The following LARP1B variants were observed in gnomAD, a reference collection of about 807,000 sequenced individuals.
The protein encoded by LARP1B is la-related protein 1B.
Under a neutral mutation model 114.2 loss-of-function variants are expected in LARP1B, and 76 were observed. That is an observed-to-expected ratio of 0.67 (90% CI 0.55 to 0.81). The LOEUF is 0.81. Ranked by LOEUF, LARP1B falls within the 30% of genes least tolerant of loss-of-function variation. The pLI is 0.00. For synonymous variants in LARP1B, 345 were observed against 348.0 expected (o/e 0.99, Z 0.10); for missense variants, 1,014 against 1,075.8 (o/e 0.94, Z 0.80).
At position 128,091,354 on chromosome 4, in the gene LARP1B, T is replaced by C. The variant is rs1180406925; in HGVS notation, c.510T>C (p.Phe170=). Reference sequence around the variant, plus strand: ...TTCTTTATTCACATCAAGTGAACTTTGATTATTCATATGGTTATCAAGAAC... The same window carrying C: ...TTCTTTATTCACATCAAGTGAACTTCGATTATTCATATGGTTATCAAGAAC... ...GRGRGNPRLN[F]DYSYGYQEHG... Residue 170 remains phenylalanine, a synonymous_variant, in exon 7 of 20, where the codon TTT becomes TTC. Transcript: ENST00000326639. 1.2e-6 allele frequency: 2 copies of C among 1,606,376 alleles called. No homozygotes were observed. The highest frequency in any genetic ancestry group is 1.3e-5 in the African/African-American group (1 of 74,698).
intron 12 of LARP1B, among the ~76,000 whole-genome samples, chr4:128,175,991 C>T (rs985562728): frequency 6.6e-5 from 10 of 151,064 alleles, no homozygotes; most frequent in Non-Finnish European, 1.5e-4. Context: ...GTTACTGTTC[C>T]TAGATCTTTG....
intron 18 of LARP1B, chr4:128,206,856 G>A: frequency 1.0e-6 from 1 of 984,672 alleles, no homozygotes. Flanking sequence ...GCTTGGAAAG[G>A]CAGAAATAGC....
At chr4:128,158,077 A>G (rs988740259) in intron 11 of LARP1B, among the ~76,000 whole-genome samples, 2 of 152,192 alleles carry the variant, frequency 1.3e-5, no homozygotes, top group African/African-American at 4.8e-5. Flanking sequence ...AGATATAAAG[A>G]TGGATATTTT....
intron 17 of LARP1B, among the ~76,000 whole-genome samples, chr4:128,203,312 T>C: frequency 6.6e-6 from 1 of 151,480 alleles, no homozygotes; most frequent in African/African-American, 2.4e-5. Context: ...GACAAATGAT[T>C]CCCTCTCTCC....
intron 8 of LARP1B, among the ~76,000 whole-genome samples, chr4:128,098,747 G>GTGTGTGTGTGTATATATATATATA: frequency 1.3e-4 from 2 of 15,594 alleles, no homozygotes; most frequent in African/African-American, 1.9e-4. Context: ...ATATGTATGT[G>GTGTGTGTGTGTATATATATATATA]TATATATATA....
chr4:128,201,857 T>A (rs1397244415), intron 17 of LARP1B, among the ~76,000 whole-genome samples: 1 of 152,220 alleles, frequency 6.6e-6, no homozygotes, highest in Non-Finnish European at 1.5e-5. Context: ...TGATTTTTCA[T>A]TCAATCATAT....
At chr4:128,112,631 G>T (rs543192328) in intron 9 of LARP1B, among the ~76,000 whole-genome samples, 1 of 151,668 alleles carries the variant, frequency 6.6e-6, no homozygotes, top group African/African-American at 2.4e-5. Flanking sequence ...CCACCACCAC[G>T]CCCGGCTAGT....
intron 1 of LARP1B, among the ~76,000 whole-genome samples, chr4:128,063,227 G>T (rs1760994155): frequency 6.6e-6 from 1 of 151,158 alleles, no homozygotes; most frequent in Admixed American, 6.6e-5. Flanking sequence ...AGGAGTTCGA[G>T]ACCAGGCTGG....
intron 7 of LARP1B, among the ~76,000 whole-genome samples, chr4:128,220,747 A>T (rs1759952311): frequency 6.6e-6 from 1 of 152,208 alleles, no homozygotes; most frequent in Non-Finnish European, 1.5e-5. Flanking sequence ...TGAACAAAGC[A>T]AGCAGATTTT....
chr4:128,102,843 T>G (rs1337878470), intron 8 of LARP1B, among the ~76,000 whole-genome samples: 1 of 152,162 alleles, frequency 6.6e-6, no homozygotes, highest in African/African-American at 2.4e-5. Context: ...AGAGGAATAA[T>G]TAATATAATA....
chr4:128,200,446 T>C, intron 16 of LARP1B, 75 bp from the exon 17 acceptor site: 2 of 979,078 alleles, frequency 2.0e-6, no homozygotes, highest in Non-Finnish European at 2.9e-6. Flanking sequence ...CTTTCTTCAT[T>C]TTATATATAA....
intron 5 of LARP1B, among the ~76,000 whole-genome samples, chr4:128,086,797 T>C (rs1188719473): frequency 6.6e-6 from 1 of 152,104 alleles, no homozygotes; most frequent in Admixed American, 6.6e-5. Flanking sequence ...CATTATAAAT[T>C]ATTCCATTAG....
chr4:128,200,637 G>A lies in LARP1B; in HGVS notation c.2281G>A (p.Ala761Thr). Residue 761 changes from alanine (A) to threonine (T), a missense_variant, in exon 17 of 20, where the codon GCT becomes ACT. Ala to Thr is a moderately conservative substitution (Grantham distance 58). Coordinates refer to ENST00000326639, the MANE Select transcript of LARP1B (RefSeq NM_018078.4). ...KKMYEEFRQL[A>T]WEDAKENYRY... ...AATGTATGAGGAATTTAGACAACTT[G>A]CTTGGGAAGATGCAAAAGAAAATTA... 1 of 1,582,840 alleles carries A rather than the reference G, an allele frequency of 6.3e-7. No individual in the cohort carries two copies. The highest frequency in any genetic ancestry group is 8.6e-7 in the Non-Finnish European group (1 of 1,168,108).
intron 19 of LARP1B, among the ~76,000 whole-genome samples, chr4:128,208,092 C>A (rs925619247): frequency 6.6e-6 from 1 of 152,126 alleles, no homozygotes; most frequent in Non-Finnish European, 1.5e-5. Flanking sequence ...CTTTGGGAGG[C>A]CGAGGCGGGT....
At chr4:128,194,881 TTTC>T (rs1405033992) in intron 15 of LARP1B, among the ~76,000 whole-genome samples, 4 of 151,490 alleles carry the variant, frequency 2.6e-5, no homozygotes, top group Admixed American at 2.6e-4. Context: ...AAAAAAAAGT[TTTC>T]TTTTTTTCTG....
At chr4:128,108,611 G>C in intron 9 of LARP1B, 1 of 985,332 alleles carries the variant, frequency 1.0e-6, no homozygotes, top group South Asian at 4.7e-5. Flanking sequence ...AACTTGGACA[G>C]GCATTTTAAA....
intron 1 of LARP1B, 172 bp downstream of exon 1, chr4:128,061,573 C>A: frequency 1.5e-6 from 1 of 659,314 alleles, no homozygotes; most frequent in Non-Finnish European, 1.9e-6. Flanking sequence ...CGGCCACGGC[C>A]GCCGGGCTCT....
At chr4:128,112,471 T>TTTTC (rs1784456201) in intron 9 of LARP1B, among the ~76,000 whole-genome samples, 1 of 134,120 alleles carries the variant, frequency 7.5e-6, no homozygotes, top group Non-Finnish European at 1.6e-5. Context: ...ACTCTATTTT[T>TTTTC]TTTTTTTTTT....
At chr4:128,184,820 T>C (rs1749755795) in intron 15 of LARP1B, among the ~76,000 whole-genome samples, 1 of 152,176 alleles carries the variant, frequency 6.6e-6, no homozygotes, top group South Asian at 2.1e-4. Context: ...CTCCCACTTA[T>C]TAGTGAGAAC....
Sources: allele counts gnomAD v4.1 joint callset (sites outside exome capture counted in the v4.1 genomes callset), GRCh38; gene constraint gnomAD v4.1.1; transcripts MANE v1.5; gene names NCBI Gene and HGNC (gene_info 2026-07-23, HGNC 2026-07-21).